The following MATN2 variants were observed in gnomAD, a reference collection of about 807,000 sequenced individuals.
MATN2 encodes the protein matrilin 2, also known as matrilin-2.
A neutral mutation model predicts 103.2 loss-of-function variants in MATN2; 69 were observed. The ratio of observed to expected loss-of-function variants is 0.67; its 90% CI spans 0.55 to 0.82. The LOEUF (loss-of-function observed/expected upper bound fraction) is 0.82. MATN2 is among the 40% of genes least tolerant of loss of function. The pLI is 0.00. For missense variants in MATN2, 1,023 were observed against 1,211.5 expected (o/e 0.84, Z 2.31); for synonymous variants, 429 against 450.2 (o/e 0.95, Z 0.60).
At position 97,931,474 on chromosome 8, in the gene MATN2, T is replaced by A; in HGVS notation, c.664T>A (p.Phe222Ile). 6.2e-7 allele frequency: 1 copy of A among 1,613,298 alleles called. No individual in the cohort carries two copies. The highest frequency in any genetic ancestry group is 1.1e-5 in the South Asian group (1 of 90,992). The change falls in exon 3 of 19, where the codon TTC (phenylalanine) becomes ATC (isoleucine). Residue 222 changes from phenylalanine (F) to isoleucine (I), a missense_variant. Transcript: ENST00000254898. This position sits in a 1 kb window ranked among gnomAD's most constrained non-coding sequence, Gnocchi z 4.1. ...GGACCATGTCTTCCTTGTGGCCAAT[T>A]TCAGCCAGATTGAGACGCTGACCTC... ...HEDHVFLVANFSQIETLTSVF... is the reference protein window; with the variant it reads ...HEDHVFLVANISQIETLTSVF...
At chr8:97,882,814 C>A (rs972321786) in intron 1 of MATN2, among the ~76,000 whole-genome samples, 1 of 152,082 alleles carries the variant, frequency 6.6e-6, no homozygotes, top group Non-Finnish European at 1.5e-5. Context: ...ATACTCTTTT[C>A]AATTTTATCT....
At position 98,018,056 on chromosome 8, in the gene MATN2, T is replaced by A. The variant is rs778237439; in HGVS notation, c.1759T>A (p.Ser587Thr). The change falls in exon 12 of 19, where the codon TCA (serine) becomes ACA (threonine). Residue 587 changes from serine (S) to threonine (T), a missense_variant. Physicochemically the swap from Ser to Thr is moderately conservative, Grantham distance 58 (BLOSUM62 1). Coordinates refer to ENST00000254898, the MANE Select transcript of MATN2 (RefSeq NM_002380.5). ...ACACATTTGTGTGAACAGTGATGAC[T>A]CATACACGTGCGAGTGCTTGGAGGG... The part of the protein sequence containing the change: ...CEHICVNSDD[S>T]YTCECLEGFR... 1.2e-5 allele frequency: 20 copies of A among 1,613,800 alleles called. No homozygotes were observed. In the Admixed American group the frequency reaches 3.3e-4, roughly 27 times the overall value.
chr8:98,011,472 G>C (rs949623403), intron 10 of MATN2, among the ~76,000 whole-genome samples: 1 of 152,188 alleles, frequency 6.6e-6, no homozygotes, highest in Non-Finnish European at 1.5e-5. Context: ...GGCCCTGGTC[G>C]GGGAGTCAGT....
Position 97,931,039 on chromosome 8 carries a change from AAGG to A in MATN2, c.232_234del (p.Glu78del), listed in dbSNP as rs1810168826. 1 of 1,614,026 alleles carries A rather than the reference AAGG, an allele frequency of 6.2e-7. No homozygotes were observed. Among genetic ancestry groups the A allele is most frequent in the Non-Finnish European group, 8.5e-7 (1 of 1,179,878 alleles). On this transcript the variant is annotated inframe_deletion, in exon 3 of 19. Transcript: ENST00000254898. The surrounding 1 kb of genome is among the most constrained non-coding windows in gnomAD (Gnocchi z 4.1). ...CAACACCCATGACTATGCAAAGGTC[AAGG>A]AGTTCATCGTGGACATCTTGCAATT...
At chr8:98,035,155 C>T (rs1586181055) in intron 18 of MATN2, among the ~76,000 whole-genome samples, 1 of 152,018 alleles carries the variant, frequency 6.6e-6, no homozygotes, top group Admixed American at 6.6e-5. Context: ...GTGGGGAGTT[C>T]GAGACCAGCC....
intron 2 of MATN2, among the ~76,000 whole-genome samples, chr8:97,911,278 T>C (rs2130070762): frequency 6.6e-6 from 1 of 152,142 alleles, no homozygotes; most frequent in South Asian, 2.1e-4. Context: ...ATGTGTGAAC[T>C]AATTAACTTA....
chr8:98,008,845 A>G (rs1269667365), intron 10 of MATN2, among the ~76,000 whole-genome samples: 2 of 152,220 alleles, frequency 1.3e-5, no homozygotes, highest in Admixed American at 6.5e-5. Flanking sequence ...TCGTTCCTGT[A>G]ATAATCAAGA....
At chr8:98,000,372 G>A (rs933889978) in intron 7 of MATN2, among the ~76,000 whole-genome samples, 99 of 151,640 alleles carry the variant, frequency 6.5e-4, no homozygotes, top group Admixed American at 7.2e-4. Context: ...GCTGAGGCGG[G>A]TGGATCACAA....
intron 4 of MATN2, among the ~76,000 whole-genome samples, chr8:97,955,100 A>T (rs550290767): frequency 6.6e-6 from 1 of 152,330 alleles, no homozygotes; most frequent in South Asian, 2.1e-4. Context: ...GGCCATGTAA[A>T]TGGAGCAGAG....
intron 7 of MATN2, among the ~76,000 whole-genome samples, chr8:98,001,568 G>A (rs1022814727): frequency 2.7e-5 from 4 of 149,808 alleles, no homozygotes; most frequent in Admixed American, 2.0e-4. Context: ...GGGTTCAAGC[G>A]ATTCTCATGC....
chr8:98,021,489 G>A (rs1813589124), intron 13 of MATN2, among the ~76,000 whole-genome samples, 162 bp downstream of exon 13: 2 of 152,160 alleles, frequency 1.3e-5, no homozygotes, highest in South Asian at 2.1e-4. Flanking sequence ...TGCAGCACCT[G>A]TGAAAACACT....
intron 7 of MATN2, among the ~76,000 whole-genome samples, chr8:98,002,366 T>G (rs538043049): frequency 2.3e-4 from 35 of 152,208 alleles, no homozygotes; most frequent in Non-Finnish European, 4.0e-4. Context: ...GCGAAGCATT[T>G]AGATCCTTCT....
chr8:98,026,260 T>TG (rs1813804484), intron 13 of MATN2, among the ~76,000 whole-genome samples: 1 of 150,956 alleles, frequency 6.6e-6, no homozygotes. Context: ...AATTTTGTTT[T>TG]TTTTTTTTTT....
chr8:98,032,403 G>C, intron 16 of MATN2, 86 bp downstream of exon 16: 1 of 997,856 alleles, frequency 1.0e-6, no homozygotes, highest in Non-Finnish European at 1.5e-6. Flanking sequence ...AGAAGTGAAT[G>C]TAAGTATGTT....
At chr8:97,895,565 T>A (rs989662098) in intron 2 of MATN2, among the ~76,000 whole-genome samples, 2 of 152,214 alleles carry the variant, frequency 1.3e-5, no homozygotes, top group Non-Finnish European at 2.9e-5. Context: ...CCTCTCTGCC[T>A]TACATTCCAA....
At chr8:97,988,152 C>CAAAAAAAAAAAAAAAAAAAAAA (rs869146483) in intron 6 of MATN2, among the ~76,000 whole-genome samples, 1 of 65,890 alleles carries the variant, frequency 1.5e-5, no homozygotes, top group African/African-American at 8.1e-5. Flanking sequence ...CCATCTCCAC[C>CAAAAAAAAAAAAAAAAAAAAAA]AAAAAAAAAA....
At chr8:98,030,860 A>C (rs1163237384) in intron 15 of MATN2, among the ~76,000 whole-genome samples, 1 of 152,066 alleles carries the variant, frequency 6.6e-6, no homozygotes, top group Non-Finnish European at 1.5e-5. Flanking sequence ...ATGAGGTTTC[A>C]CCATGTTGGC....
At chr8:98,030,204 G>A (rs1813960506) in intron 14 of MATN2, among the ~76,000 whole-genome samples, 1 of 152,144 alleles carries the variant, frequency 6.6e-6, no homozygotes, top group South Asian at 2.1e-4. Flanking sequence ...TTTGTTAAAT[G>A]GCCCAGCCCA....
chr8:97,946,589 A>G (rs1472517537), intron 4 of MATN2, among the ~76,000 whole-genome samples: 1 of 152,040 alleles, frequency 6.6e-6, no homozygotes, highest in African/African-American at 2.4e-5. Context: ...TTCCTGTCCT[A>G]CTAAGAAAGA....
Sources: gnomAD v4.1 joint callset for allele counts (sites outside exome capture counted in the v4.1 genomes callset) on GRCh38, gnomAD v4.1.1 for gene constraint, Gnocchi (gnomAD v3.1) non-coding constraint, MANE v1.5 for transcripts, NCBI Gene and HGNC (gene_info 2026-07-23, HGNC 2026-07-21) for gene names.